Variants in PLPP4 observed in about 807,000 individuals in gnomAD.
PLPP4 encodes phospholipid phosphatase 4.
In PLPP4, 20 loss-of-function variants were observed where a neutral mutation model predicts 32.2. The observed-to-expected ratio is 0.62, with a 90% confidence interval of 0.44 to 0.90. PLPP4 has a LOEUF of 0.90. Among genes scored for constraint, PLPP4 ranks in the 40% least tolerant of loss-of-function variants. PLPP4 has a pLI of 0.00. For missense variants in PLPP4, 257 were observed against 353.1 expected (o/e 0.73, Z 2.18); for synonymous variants, 127 against 133.0 (o/e 0.95, Z 0.31).
chr10:120,581,182 AG>A (rs1383676223), intron 6 of PLPP4: 1 of 985,290 alleles, frequency 1.0e-6, no homozygotes, highest in African/African-American at 1.7e-5. Context: ...TGTAATTCCC[AG>A]GGAAGATGGA....
intron 6 of PLPP4, among the ~76,000 whole-genome samples, chr10:120,584,417 C>G (rs150141231): frequency 6.6e-6 from 1 of 152,324 alleles, no homozygotes; most frequent in African/African-American, 2.4e-5. Context: ...GGGACATGTC[C>G]CATTCGTTCA....
intron 5 of PLPP4, among the ~76,000 whole-genome samples, chr10:120,571,984 G>A (rs868122975): frequency 6.6e-6 from 1 of 152,204 alleles, no homozygotes; most frequent in African/African-American, 2.4e-5. Flanking sequence ...AGGGCACACA[G>A]TGAAGTTTAA....
intron 1 of PLPP4, among the ~76,000 whole-genome samples, chr10:120,487,422 A>C (rs1210051793): frequency 6.6e-6 from 1 of 152,250 alleles, no homozygotes; most frequent in Non-Finnish European, 1.5e-5. Flanking sequence ...TCAATTGCAC[A>C]GAGAACTGAT....
intron 3 of PLPP4, among the ~76,000 whole-genome samples, chr10:120,518,146 G>C (rs1846007418): frequency 6.6e-6 from 1 of 152,180 alleles, no homozygotes; most frequent in Admixed American, 6.5e-5. Flanking sequence ...GGGACAATCT[G>C]TGCTGCATCT....
At chr10:120,497,178 T>G (rs1054159082) in intron 1 of PLPP4, among the ~76,000 whole-genome samples, 6 of 152,168 alleles carry the variant, frequency 3.9e-5, no homozygotes, top group Non-Finnish European at 5.9e-5. Flanking sequence ...CTTTTGTGAT[T>G]TAGCAGTGAA....
intron 1 of PLPP4, among the ~76,000 whole-genome samples, chr10:120,499,004 C>T (rs1168913115): frequency 6.6e-6 from 1 of 152,190 alleles, no homozygotes; most frequent in Non-Finnish European, 1.5e-5. Flanking sequence ...CCCTCATCCC[C>T]AAAGGCACTC....
At chr10:120,463,028 T>C (rs1848133280) in intron 1 of PLPP4, among the ~76,000 whole-genome samples, 1 of 142,698 alleles carries the variant, frequency 7.0e-6, no homozygotes, top group Admixed American at 7.0e-5. Context: ...TCTTTTTTTT[T>C]TTTTTTTTTT....
intron 3 of PLPP4, 53 bp from the exon 4 acceptor site, chr10:120,518,780 T>C (rs1564810759): frequency 7.0e-7 from 1 of 1,426,442 alleles, no homozygotes; most frequent in South Asian, 1.2e-5. Context: ...TGATGATGAT[T>C]TTGATTTAAG....
chr10:120,574,898 T>A (rs1237312587), intron 5 of PLPP4, among the ~76,000 whole-genome samples: 1 of 152,190 alleles, frequency 6.6e-6, no homozygotes, highest in Non-Finnish European at 1.5e-5. Context: ...ATTGAATGAA[T>A]GGATGAAATA....
At position 120,534,524 on chromosome 10, in the gene PLPP4, A is replaced by T. The variant is rs966166565; in HGVS notation, c.445+13429A>T. On this transcript the variant is annotated intron_variant, in intron 5 of 6. Transcript: ENST00000398250. Reference sequence around the variant, plus strand: ...GTTTTCAGCCATTATTTCTTTGCGTATTTTTTTTCTGCTCCCCCTCCTCTC... The same window carrying T: ...GTTTTCAGCCATTATTTCTTTGCGTTTTTTTTTTCTGCTCCCCCTCCTCTC... 2.6e-5 allele frequency among the ~76,000 whole-genome samples: 4 copies of T among 151,248 alleles called. No individual in the cohort carries two copies. The East Asian group carries it at 7.8e-4, about 29-fold the overall frequency.
At chr10:120,471,380 TC>T (rs1380678116) in intron 1 of PLPP4, among the ~76,000 whole-genome samples, 2 of 151,974 alleles carry the variant, frequency 1.3e-5, no homozygotes, top group African/African-American at 4.8e-5. Context: ...TTGCTACCCT[TC>T]TTTTTTACTT....
At chr10:120,488,224 A>T (rs1306632064) in intron 1 of PLPP4, among the ~76,000 whole-genome samples, 3 of 152,228 alleles carry the variant, frequency 2.0e-5, no homozygotes, top group African/African-American at 7.2e-5. Context: ...TGAGTGGTTT[A>T]TAAAGCATTT....
At chr10:120,533,222 A>ATGG (rs1379360711) in intron 5 of PLPP4, among the ~76,000 whole-genome samples, 3 of 152,142 alleles carry the variant, frequency 2.0e-5, no homozygotes, top group Non-Finnish European at 4.4e-5. Context: ...TTGGTGTGAA[A>ATGG]TGGTATCTGA....
At chr10:120,588,085 G>C (rs34954484) in intron 6 of PLPP4, among the ~76,000 whole-genome samples, 38,229 of 152,134 alleles carry the variant, frequency 0.25, 4,915 homozygotes, top group Non-Finnish European at 0.29. Context: ...TTCTTTTGGG[G>C]AAAATGGGGC....
At chr10:120,475,867 C>T (rs1843878009) in intron 1 of PLPP4, among the ~76,000 whole-genome samples, 2 of 150,548 alleles carry the variant, frequency 1.3e-5, no homozygotes, top group African/African-American at 4.9e-5. Context: ...CACTCACCTT[C>T]TTTGTTCCAG....
At chr10:120,503,779 A>G in intron 1 of PLPP4, 39 bp from the exon 2 acceptor site, 1 of 1,596,032 alleles carries the variant, frequency 6.3e-7, no homozygotes, top group South Asian at 1.1e-5. Flanking sequence ...ACAGCAACAG[A>G]ACGCTCAACC....
intron 1 of PLPP4, among the ~76,000 whole-genome samples, chr10:120,457,724 C>T (rs1207000322): frequency 6.6e-6 from 1 of 152,168 alleles, no homozygotes; most frequent in Non-Finnish European, 1.5e-5. Flanking sequence ...TCTGTGTGAT[C>T]TTTGAGGCCC....
intron 1 of PLPP4, among the ~76,000 whole-genome samples, chr10:120,485,430 C>T (rs1007954015): frequency 6.6e-6 from 1 of 152,230 alleles, no homozygotes; most frequent in Non-Finnish European, 1.5e-5. Context: ...ATGTGGCCCA[C>T]TAGGAGTGGC....
At chr10:120,570,883 C>A (rs113956433) in intron 5 of PLPP4, among the ~76,000 whole-genome samples, 51 of 152,254 alleles carry the variant, frequency 3.3e-4, no homozygotes, top group Non-Finnish European at 6.0e-4. Flanking sequence ...GTGAGCATCA[C>A]CAAGTGTCAG....
Sources: allele counts gnomAD v4.1 joint callset (sites outside exome capture counted in the v4.1 genomes callset), GRCh38; gene constraint gnomAD v4.1.1; transcripts MANE v1.5; gene names NCBI Gene and HGNC (gene_info 2026-07-23, HGNC 2026-07-21).